H6PD: variants seen among roughly 807,000 people sequenced by gnomAD.
H6PD encodes hexose-6-phosphate dehydrogenase/glucose 1-dehydrogenase.
H6PD carries 48 observed loss-of-function variants against 61.2 expected under a neutral mutation model. The ratio of observed to expected loss-of-function variants is 0.78; its 90% CI spans 0.62 to 1.00. H6PD has a LOEUF of 1.00. Among genes scored for constraint, H6PD ranks in the 50% least tolerant of loss-of-function variants. The pLI, the probability that H6PD is intolerant of heterozygous loss-of-function variation, is 0.00. For synonymous variants in H6PD, 480 were observed against 457.9 expected (o/e 1.05, Z -0.62); for missense variants, 1,093 against 1,065.0 (o/e 1.03, Z -0.37).
intron 1 of H6PD, among the ~76,000 whole-genome samples, chr1:9,235,799 C>G (rs191656348): frequency 6.6e-6 from 1 of 151,902 alleles, no homozygotes; most frequent in Non-Finnish European, 1.5e-5. Context: ...TTTGTAGAGA[C>G]AGTGGTCTCA....
intron 3 of H6PD, among the ~76,000 whole-genome samples, chr1:9,247,675 C>A (rs2100338151): frequency 6.6e-6 from 1 of 152,290 alleles, no homozygotes; most frequent in South Asian, 2.1e-4. Flanking sequence ...AGGACACCGC[C>A]TCTCCCGCAC....
chr1:9,247,130 C>T (rs570968308), intron 3 of H6PD, 47 bp downstream of exon 3: 68 of 1,275,926 alleles, frequency 5.3e-5, no homozygotes, highest in Admixed American at 2.5e-4. Context: ...TCTGCCTGCC[C>T]GCTGTCTGCG....
In H6PD at chr1:9,246,951, T is replaced by G. The variant is rs1363807796; in HGVS notation, c.628-15T>G. The G allele has an allele frequency of 7.0e-6, 11 of 1,576,644 alleles. No individual in the cohort carries two copies. Among genetic ancestry groups the G allele is most frequent in the Non-Finnish European group, 9.6e-6 (11 of 1,145,994 alleles). The stretch of plus-strand genomic sequence containing the variant: ...AGAGTATCCTGCAGCACGCCCAGTC[T>G]TCCCCCCCCGACAGGCTGTGGCGCA... On this transcript the variant is annotated splice_polypyrimidine_tract_variant and intron_variant, in intron 2 of 4. Coordinates refer to ENST00000377403, the MANE Select transcript of H6PD (RefSeq NM_004285.4).
At chr1:9,257,652 A>G (rs1057312580) in intron 3 of H6PD, among the ~76,000 whole-genome samples, 3 of 152,200 alleles carry the variant, frequency 2.0e-5, no homozygotes, top group African/African-American at 7.2e-5. Context: ...AGAAAGAGAA[A>G]CAGGCCTGAA....
Position 9,263,602 on chromosome 1 carries a change from G to A in H6PD, c.1109G>A (p.Arg370Gln), listed in dbSNP as rs182877860. The A allele has an allele frequency of 6.0e-5, 97 of 1,614,206 alleles. No homozygotes were observed. The highest frequency in any genetic ancestry group is 1.4e-4 in the South Asian group (13 of 91,082). ...TTGGACGAGAGAGTGGGCTACGCTC[G>A]GATCTTGTTCAAGAACCAGGCCTGC... Reference protein sequence around the residue: ...KALDERVGYARILFKNQACCV... With the variant: ...KALDERVGYAQILFKNQACCV... Residue 370 changes from arginine to glutamine, a missense_variant, in exon 5 of 5, where the codon CGG becomes CAG. Arg to Gln is a conservative substitution (Grantham distance 43). Transcript: ENST00000377403.
chr1:9,267,716 C>T lies in H6PD; in HGVS notation c.*2847C>T, dbSNP rs1221590824. The T allele has an allele frequency of 6.6e-6, 1 of 152,154 alleles. No homozygotes were observed. Among genetic ancestry groups the T allele is most frequent in the Non-Finnish European group, 1.5e-5 (1 of 68,026 alleles). The allele number at this position is 152,154 out of a possible 1,614,324, so 9.4% of individuals were successfully genotyped here. A position where few individuals can be genotyped will look rare whatever the true frequency, so the allele number is the denominator to read the frequency against. On this transcript the variant is annotated 3_prime_UTR_variant, in exon 5 of 5. Coordinates refer to ENST00000377403, the MANE Select transcript of H6PD (RefSeq NM_004285.4). The stretch of plus-strand genomic sequence containing the variant: ...CTGGAGATGTCCCTGTGCCTCCGCC[C>T]CTACCCACCCCTTTTCCTTCAGCTG...
rs370166865 is a variant in H6PD at position 9,245,306 on chromosome 1, C to T, written c.372C>T (p.Ile124=). 4 of 1,614,104 alleles carry T rather than the reference C, an allele frequency of 2.5e-6. No individual in the cohort carries two copies. Among genetic ancestry groups the T allele is most frequent in the African/African-American group, 2.7e-5 (2 of 74,938 alleles). Residue 124 remains isoleucine (I), a synonymous_variant, in exon 2 of 5, where the codon ATC becomes ATT. Coordinates refer to ENST00000377403, the MANE Select transcript of H6PD (RefSeq NM_004285.4). The surrounding 1 kb of genome is among the most constrained non-coding windows in gnomAD (Gnocchi z 4.8). ...AEDYQALNKD[I]EAQLQHAGLR... is the part of the protein sequence containing the mutation. Reference sequence around the variant, plus strand: ...ACTATCAGGCCCTGAACAAGGACATCGAGGCACAGCTCCAGCACGCAGGCC... The same window carrying T: ...ACTATCAGGCCCTGAACAAGGACATTGAGGCACAGCTCCAGCACGCAGGCC...
chr1:9,264,465 C>T lies in H6PD; in HGVS notation c.1972C>T (p.Leu658=). The T allele has an allele frequency of 1.2e-6, 2 of 1,613,296 alleles. No individual in the cohort carries two copies. Among genetic ancestry groups the T allele is most frequent in the Non-Finnish European group, 1.7e-6 (2 of 1,179,974 alleles). Residue 658 remains leucine (L), a synonymous_variant, in exon 5 of 5, where the codon CTG becomes TTG. Transcript: ENST00000377403. ...CAACATCCACCCCATGCCTGTGCACCTGCAGCAGCGGCTCTGCGCCGAGGA... is the reference window on the plus strand; with the variant it reads ...CAACATCCACCCCATGCCTGTGCACTTGCAGCAGCGGCTCTGCGCCGAGGA... ...YYNIHPMPVH[L]QQRLCAEEDQ... is the part of the protein sequence containing the mutation.
At position 9,263,656 on chromosome 1, in the gene H6PD, C is replaced by T. The variant is rs149231638; in HGVS notation, c.1163C>T (p.Ala388Val). The T allele has an allele frequency of 2.8e-4, 449 of 1,614,008 alleles. 1 individual carries two copies. The highest frequency in any genetic ancestry group is 2.0e-4 in the Non-Finnish European group (232 of 1,180,020). ...CCVQSEKHWA[A>V]AQSQCLPRQL... ...GTGCAGAGCGAAAAGCACTGGGCCG[C>T]GGCGCAGAGCCAGTGCCTGCCCCGG... The change falls in exon 5 of 5, where the codon GCG becomes GTG. Residue 388 changes from alanine to valine, a missense_variant. Coordinates refer to ENST00000377403, the MANE Select transcript of H6PD (RefSeq NM_004285.4).
rs775655748 is a variant in H6PD, at chr1:9,264,471, C to G, written c.1978C>G (p.Gln660Glu). The change falls in exon 5 of 5, where the codon CAG becomes GAG. Residue 660 changes from glutamine to glutamate, a missense_variant. Transcript: ENST00000377403. ...CCACCCCATGCCTGTGCACCTGCAGCAGCGGCTCTGCGCCGAGGAGGACCA... is the reference window on the plus strand; with the variant it reads ...CCACCCCATGCCTGTGCACCTGCAGGAGCGGCTCTGCGCCGAGGAGGACCA... ...NIHPMPVHLQ[Q>E]RLCAEEDQGA... The G allele has an allele frequency of 6.2e-7, 1 of 1,613,308 alleles. No individual in the cohort carries two copies. The highest frequency in any genetic ancestry group is 8.5e-7 in the Non-Finnish European group (1 of 1,179,964).
intron 1 of H6PD, among the ~76,000 whole-genome samples, chr1:9,237,105 ACAG>A (rs1189270517): frequency 1.3e-5 from 2 of 152,278 alleles, no homozygotes; most frequent in African/African-American, 4.8e-5. Context: ...TAAATGTAAT[ACAG>A]TGTTTTACAT....
At position 9,268,935 on chromosome 1, in the gene H6PD, T is replaced by C. The variant is rs1188737295; in HGVS notation, c.*4066T>C. 6.6e-6 allele frequency: 1 copy of C among 152,196 alleles called. No individual in the cohort carries two copies. The highest frequency in any genetic ancestry group is 2.4e-5 in the African/African-American group (1 of 41,438). The allele number at this position is 152,196 out of a possible 1,614,324, so 9.4% of individuals were successfully genotyped here. On this transcript the variant is annotated 3_prime_UTR_variant, in exon 5 of 5. Coordinates refer to ENST00000377403, the MANE Select transcript of H6PD (RefSeq NM_004285.4). ...AATTTGGTTTTCAAGTACAAAACTT[T>C]TTGTCCTGTAAGATATATGCAGCCT...
intron 2 of H6PD, 59 bp from the exon 3 acceptor site, chr1:9,246,907 G>C: frequency 8.4e-7 from 1 of 1,194,166 alleles, no homozygotes; most frequent in Non-Finnish European, 1.3e-6. Flanking sequence ...CCGGGAGTCA[G>C]GGTTCCTCCT....
rs138833705 is a variant in H6PD, at chr1:9,262,314, C to T, written c.1001C>T (p.Thr334Met). The T allele has an allele frequency of 4.5e-4, 726 of 1,603,294 alleles. No homozygotes were observed. The highest frequency in any genetic ancestry group is 8.6e-4 in the Admixed American group (50 of 58,458). ...AAGCCAGACAGCTTCCACAGCCTGA[C>T]GCCGACCTTCGCAGGTGGGCCCTGG... ...LQKPDSFHSL[T>M]PTFAAVLVHI... Residue 334 changes from threonine (T) to methionine (M), a missense_variant, in exon 4 of 5, where the codon ACG becomes ATG. Transcript: ENST00000377403.
intron 1 of H6PD, among the ~76,000 whole-genome samples, chr1:9,242,364 C>T (rs1247337362): frequency 6.6e-6 from 1 of 152,086 alleles, no homozygotes; most frequent in Non-Finnish European, 1.5e-5. Flanking sequence ...AAAATACCCA[C>T]ACATACTACC....
In H6PD at chr1:9,268,814, TTG is replaced by T. The variant is rs1391295668; in HGVS notation, c.*3949_*3950del. 1 of 152,174 alleles carries T rather than the reference TTG, an allele frequency of 6.6e-6. No individual in the cohort carries two copies. Among genetic ancestry groups the T allele is most frequent in the Non-Finnish European group, 1.5e-5 (1 of 68,032 alleles). The allele number at this position is 152,174 out of a possible 1,614,324, so 9.4% of individuals were successfully genotyped here. ...CCAATTCCGGGCCTGTCTGCTTTGCTTGTGTTTCTCCTGTCCCTGTTCTCCCG... is the reference window on the plus strand; with the variant it reads ...CCAATTCCGGGCCTGTCTGCTTTGCTTGTTTCTCCTGTCCCTGTTCTCCCG... On this transcript the variant is annotated 3_prime_UTR_variant, in exon 5 of 5. Transcript: ENST00000377403.
intron 3 of H6PD, among the ~76,000 whole-genome samples, chr1:9,251,080 CT>C (rs1293919709): frequency 6.6e-6 from 1 of 152,202 alleles, no homozygotes; most frequent in East Asian, 1.9e-4. Context: ...CACAGCCCCC[CT>C]GGGTACCCTG....
chr1:9,241,634 A>G (rs545428610), intron 1 of H6PD, among the ~76,000 whole-genome samples: 1 of 152,332 alleles, frequency 6.6e-6, no homozygotes, highest in South Asian at 2.1e-4. Flanking sequence ...TCCTGGGCTC[A>G]AGTGATCCTC....
chr1:9,258,263 GTGTTGTTACGTTGCTGTTGTTACAC>G (rs1417190846), intron 3 of H6PD, among the ~76,000 whole-genome samples: 1 of 60,400 alleles, frequency 1.7e-5, no homozygotes, highest in Non-Finnish European at 5.2e-5. Context: ...TGTTACATCA[GTGTTGTTACGTTGCTGTTGTTACAC>G]CCGTGTTGTT....
Sources: gnomAD v4.1 joint callset for allele counts (sites outside exome capture counted in the v4.1 genomes callset) on GRCh38, gnomAD v4.1.1 for gene constraint, Gnocchi (gnomAD v3.1) non-coding constraint, MANE v1.5 for transcripts, NCBI Gene and HGNC (gene_info 2026-07-23, HGNC 2026-07-21) for gene names.